The following LRBA variants were observed in gnomAD, a reference collection of about 807,000 sequenced individuals.
LRBA encodes the protein LPS responsive beige-like anchor protein, also known as lipopolysaccharide-responsive and beige-like anchor protein.
In LRBA, 176 loss-of-function variants were observed where a neutral mutation model predicts 330.0. That is an observed-to-expected ratio of 0.53 (90% CI 0.47 to 0.60). The LOEUF is 0.60. Among genes scored for constraint, LRBA ranks in the 20% least tolerant of loss-of-function variants. LRBA has a pLI of 0.00. For missense variants in LRBA, 3,259 were observed against 3,444.8 expected (o/e 0.95, Z 1.35); for synonymous variants, 1,230 against 1,193.0 (o/e 1.03, Z -0.64).
Position 150,873,864 on chromosome 4 carries a change from T to C in LRBA, c.2166-1109A>G, listed in dbSNP as rs575242106. On this transcript the variant is annotated intron_variant, in intron 17 of 56. Coordinates refer to ENST00000651943, the MANE Select transcript of LRBA (RefSeq NM_001364905.1). ...CTCTAGTGATCAATAGAAAAGCAGG[T>C]ATATAAAAAAGAAGTTTGATTCCTT... Among the ~76,000 whole-genome samples, 5 of 152,154 alleles carry C rather than the reference T, an allele frequency of 3.3e-5. No individual in the cohort carries two copies. The East Asian group carries it at 9.6e-4, about 29-fold the overall frequency.
chr4:150,375,353 C>T (rs1323118346), intron 47 of LRBA, among the ~76,000 whole-genome samples: 1 of 152,138 alleles, frequency 6.6e-6, no homozygotes, highest in African/African-American at 2.4e-5. Flanking sequence ...AATCAGAACA[C>T]CTATTAATAA....
At chr4:150,573,283 A>C (rs1194549149) in intron 40 of LRBA, among the ~76,000 whole-genome samples, 1 of 152,158 alleles carries the variant, frequency 6.6e-6, no homozygotes, top group Non-Finnish European at 1.5e-5. Flanking sequence ...AGCACCCTTA[A>C]GCCACGCTAC....
intron 17 of LRBA, among the ~76,000 whole-genome samples, chr4:150,876,108 T>G (rs185226767): frequency 2.7e-4 from 41 of 152,264 alleles, no homozygotes; most frequent in Non-Finnish European, 5.1e-4. Context: ...ATCAGCAGAC[T>G]GGACAAACCA....
chr4:150,512,046 T>A (rs1761888239), intron 40 of LRBA, among the ~76,000 whole-genome samples: 1 of 152,228 alleles, frequency 6.6e-6, no homozygotes, highest in African/African-American at 2.4e-5. Context: ...TACTGGTACA[T>A]CACAGAACTC....
At chr4:150,928,204 T>C (rs1734086782) in intron 4 of LRBA, among the ~76,000 whole-genome samples, 1 of 152,200 alleles carries the variant, frequency 6.6e-6, no homozygotes, top group Admixed American at 6.5e-5. Flanking sequence ...GAAGAAAAGG[T>C]AGGTACTACT....
At chr4:150,880,438 T>G (rs189484717) in intron 17 of LRBA, among the ~76,000 whole-genome samples, 1 of 151,474 alleles carries the variant, frequency 6.6e-6, no homozygotes, top group Non-Finnish European at 1.5e-5. Context: ...GAAGATCGCT[T>G]CAGATGCAGA....
intron 18 of LRBA, among the ~76,000 whole-genome samples, chr4:150,872,183 C>A (rs1228538187): frequency 2.0e-5 from 3 of 152,082 alleles, no homozygotes; most frequent in African/African-American, 7.2e-5. Context: ...CTTGTTCTAC[C>A]CCCAAAATTT....
At chr4:150,652,271 G>A (rs192351383) in intron 37 of LRBA, among the ~76,000 whole-genome samples, 6 of 152,100 alleles carry the variant, frequency 3.9e-5, no homozygotes, top group African/African-American at 1.4e-4. Flanking sequence ...TTAACAGCTA[G>A]TTTGTTCAAA....
intron 48 of LRBA, among the ~76,000 whole-genome samples, chr4:150,346,754 T>C: frequency 1.6e-5 from 1 of 63,240 alleles, no homozygotes; most frequent in Non-Finnish European, 2.7e-5. Context: ...TGAGACTCTG[T>C]CTCAAAAAAA....
chr4:150,423,156 CG>C, intron 46 of LRBA: 1 of 1,167,062 alleles, frequency 8.6e-7, no homozygotes, highest in Non-Finnish European at 1.3e-6. Flanking sequence ...GGACCAACCT[CG>C]GGGCAGGGTC....
intron 37 of LRBA, among the ~76,000 whole-genome samples, chr4:150,626,145 T>C (rs1776840286): frequency 6.6e-6 from 1 of 152,180 alleles, no homozygotes; most frequent in African/African-American, 2.4e-5. Context: ...ACTTGGGTAT[T>C]TAACACAATA....
intron 40 of LRBA, among the ~76,000 whole-genome samples, chr4:150,557,253 T>A (rs1267101409): frequency 6.6e-6 from 1 of 152,172 alleles, no homozygotes; most frequent in Non-Finnish European, 1.5e-5. Context: ...ACCAGTGAAT[T>A]ATTAACCATT....
intron 47 of LRBA, among the ~76,000 whole-genome samples, chr4:150,386,134 A>G (rs1267966604): frequency 6.6e-6 from 1 of 152,184 alleles, no homozygotes. Flanking sequence ...TGCTCAGAAG[A>G]TACATGTAAG....
chr4:150,734,933 C>A (rs1235175845), intron 36 of LRBA, among the ~76,000 whole-genome samples: 3 of 152,084 alleles, frequency 2.0e-5, no homozygotes, highest in Non-Finnish European at 4.4e-5. Flanking sequence ...TCTGTTTTGT[C>A]CAGAAAGGGC....
At chr4:150,694,478 C>CAAAAAAAAAAAAAAAA (rs1784445227) in intron 36 of LRBA, among the ~76,000 whole-genome samples, 1 of 19,122 alleles carries the variant, frequency 5.2e-5, no homozygotes. Context: ...AAAAAAAAAG[C>CAAAAAAAAAAAAAAAA]TATCTACAGA....
intron 17 of LRBA, among the ~76,000 whole-genome samples, chr4:150,874,115 T>C (rs1336426403): frequency 6.6e-6 from 1 of 152,224 alleles, no homozygotes. Context: ...TGAGTTTTTT[T>C]CCCCAAAGAT....
At chr4:150,698,595 G>A (rs141044823) in intron 36 of LRBA, among the ~76,000 whole-genome samples, 90 of 152,236 alleles carry the variant, frequency 5.9e-4, no homozygotes, top group African/African-American at 1.8e-3. Context: ...GTAAGCATCC[G>A]AGTAAAATAG....
At chr4:150,832,647 C>G (rs1470864977) in intron 28 of LRBA, among the ~76,000 whole-genome samples, 2 of 152,106 alleles carry the variant, frequency 1.3e-5, no homozygotes, top group African/African-American at 4.8e-5. Context: ...ATGAGGATAA[C>G]TGGTTATTTT....
chr4:150,408,597 A>C (rs1242370958), intron 47 of LRBA, among the ~76,000 whole-genome samples: 1 of 152,172 alleles, frequency 6.6e-6, no homozygotes, highest in Non-Finnish European at 1.5e-5. Context: ...AAAAAACTGC[A>C]AACTAATATT....
Sources: allele counts gnomAD v4.1 joint callset (sites outside exome capture counted in the v4.1 genomes callset), GRCh38; gene constraint gnomAD v4.1.1; transcripts MANE v1.5; gene names NCBI Gene and HGNC (gene_info 2026-07-23, HGNC 2026-07-21).